Variants in AGO2 observed in about 807,000 individuals in gnomAD.
AGO2 encodes the protein argonaute RISC catalytic component 2.
AGO2 carries 5 observed loss-of-function variants against 102.3 expected under a neutral mutation model. The observed-to-expected ratio is 0.05, with a 90% CI of 0.03 to 0.10. The LOEUF is 0.10. AGO2 is among the 10% of genes least tolerant of loss of function. The probability of loss-of-function intolerance (pLI) is 1.00; values close to 1 mark genes in which losing one functional copy is unlikely to be tolerated. For synonymous variants in AGO2, 449 were observed against 473.1 expected (o/e 0.95, Z 0.66); for missense variants, 541 against 1,183.7 (o/e 0.46, Z 7.97).
chr8:140,612,266 T>C (rs1245152811), intron 1 of AGO2, among the ~76,000 whole-genome samples: 2 of 143,152 alleles, frequency 1.4e-5, no homozygotes, highest in South Asian at 2.3e-4. Flanking sequence ...AAAAGACTTC[T>C]GGTTAGTTCA....
At chr8:140,603,218 G>A (rs568635496) in intron 1 of AGO2, among the ~76,000 whole-genome samples, 2 of 152,242 alleles carry the variant, frequency 1.3e-5, no homozygotes, top group Admixed American at 6.5e-5. Context: ...CTCAGCAGAC[G>A]ATGGAATCCC....
In AGO2 at chr8:140,562,554, G is replaced by A. The variant is rs764529660; in HGVS notation, c.417C>T (p.Ser139=). The change falls in exon 4 of 19, where the codon AGC becomes AGT. Residue 139 remains serine (S), a synonymous_variant. Transcript: ENST00000220592. ...KVSIKWVSCV[S]LQALHDALSG... ...AAAGTGCATCGTGTAACGCCTGCAA[G>A]CTCACGCAGGACACCCACTTGATGG... 3.1e-6 allele frequency: 5 copies of A among 1,614,016 alleles called. No homozygotes were observed. The highest frequency in any genetic ancestry group is 4.2e-6 in the Non-Finnish European group (5 of 1,180,046).
intron 17 of AGO2, among the ~76,000 whole-genome samples, chr8:140,535,199 C>G (rs1463857562): frequency 6.6e-6 from 1 of 152,220 alleles, no homozygotes; most frequent in Non-Finnish European, 1.5e-5. Flanking sequence ...CACCACACCC[C>G]TGGCTCCCCA....
At chr8:140,597,118 C>G (rs762967067) in intron 1 of AGO2, among the ~76,000 whole-genome samples, 5 of 152,198 alleles carry the variant, frequency 3.3e-5, no homozygotes, top group Non-Finnish European at 7.4e-5. Flanking sequence ...GAAAAAAAAA[C>G]TCAGCAGAAG....
Position 140,524,388 on chromosome 8 carries a change from G to T in AGO2, c.*7656C>A, listed in dbSNP as rs2072464546. 6.6e-6 allele frequency: 1 copy of T among 152,248 alleles called. No individual in the cohort carries two copies. Among genetic ancestry groups the T allele is most frequent in the South Asian group, 2.1e-4 (1 of 4,832 alleles). 9.4% of individuals were successfully genotyped at this position (152,248 alleles called of 1,614,324 possible). A position where few individuals can be genotyped will look rare whatever the true frequency, so the allele number is the denominator to read the frequency against. On this transcript the variant is annotated 3_prime_UTR_variant, in exon 19 of 19. Transcript: ENST00000220592. ...TCCTGGCAGAGGTGGACTTGGTCAGGGTATGGGAGAAACCACACGACTGGA... is the reference window on the plus strand; with the variant it reads ...TCCTGGCAGAGGTGGACTTGGTCAGTGTATGGGAGAAACCACACGACTGGA...
chr8:140,597,466 GCCCCCCCAC>G (rs760618579), intron 1 of AGO2, among the ~76,000 whole-genome samples: 4 of 48,442 alleles, frequency 8.3e-5, no homozygotes, highest in Admixed American at 2.1e-4. Flanking sequence ...GGGCTGGGTG[GCCCCCCCAC>G]CCCCCCCCCC....
At chr8:140,587,285 A>G (rs1176492132) in intron 1 of AGO2, among the ~76,000 whole-genome samples, 1 of 152,260 alleles carries the variant, frequency 6.6e-6, no homozygotes, top group African/African-American at 2.4e-5. Flanking sequence ...ATTTCCTAAG[A>G]TAGTTCTTTC....
chr8:140,604,663 A>G (rs978101795), intron 1 of AGO2, among the ~76,000 whole-genome samples: 2 of 152,204 alleles, frequency 1.3e-5, no homozygotes, highest in Non-Finnish European at 2.9e-5. Context: ...CGTCTCTACT[A>G]AAAATACAAA....
At position 140,524,508 on chromosome 8, in the gene AGO2, G is replaced by A. The variant is rs1241623264; in HGVS notation, c.*7536C>T. 1 of 152,264 alleles carries A rather than the reference G, an allele frequency of 6.6e-6. No individual in the cohort carries two copies. The highest frequency in any genetic ancestry group is 2.4e-5 in the African/African-American group (1 of 41,460). The allele number at this position is 152,264 out of a possible 1,614,324, so 9.4% of individuals were successfully genotyped here. On this transcript the variant is annotated 3_prime_UTR_variant, in exon 19 of 19. Coordinates refer to ENST00000220592, the MANE Select transcript of AGO2 (RefSeq NM_012154.5). ...CAAGTCAGGGGCTGAGGAGCGGAAA[G>A]AAAGCTTCCAAGGCTGGAGGTCCAC... is the stretch of plus-strand genomic sequence containing the variant.
In AGO2 at chr8:140,525,698, C is replaced by G. The variant is rs1428856944; in HGVS notation, c.*6346G>C. ...GCCACCTCCAAACACCCAGACACCT[C>G]CAACTGTCAGATCATCGCCTGTCAA... is the stretch of plus-strand genomic sequence containing the variant. On this transcript the variant is annotated 3_prime_UTR_variant, in exon 19 of 19. Transcript: ENST00000220592. 6.6e-6 allele frequency: 1 copy of G among 152,110 alleles called. No homozygotes were observed. Among genetic ancestry groups the G allele is most frequent in the Non-Finnish European group, 1.5e-5 (1 of 68,062 alleles). 9.4% of individuals were successfully genotyped at this position (152,110 alleles called of 1,614,324 possible). A position where few individuals can be genotyped will look rare whatever the true frequency, so the allele number is the denominator to read the frequency against.
At chr8:140,594,246 T>C (rs2073788979) in intron 1 of AGO2, among the ~76,000 whole-genome samples, 1 of 152,026 alleles carries the variant, frequency 6.6e-6, no homozygotes, top group Non-Finnish European at 1.5e-5. Context: ...AATAACTCAG[T>C]CGGAACAATT....
At chr8:140,628,572 A>T (rs1461834371) in intron 1 of AGO2, among the ~76,000 whole-genome samples, 1 of 152,044 alleles carries the variant, frequency 6.6e-6, no homozygotes, top group Non-Finnish European at 1.5e-5. Context: ...TGGGAGGCCA[A>T]GGCAGGAGGA....
intron 1 of AGO2, among the ~76,000 whole-genome samples, chr8:140,629,879 G>C (rs1184980110): frequency 7.0e-6 from 1 of 142,874 alleles, no homozygotes; most frequent in Admixed American, 7.0e-5. Context: ...AGGGGAGCAG[G>C]GGGAAGAGGA....
At chr8:140,587,936 G>A (rs2073683499) in intron 1 of AGO2, among the ~76,000 whole-genome samples, 1 of 152,074 alleles carries the variant, frequency 6.6e-6, no homozygotes, top group Admixed American at 6.5e-5. Context: ...TCCAACAGCC[G>A]AGTCCCAAAT....
intron 1 of AGO2, among the ~76,000 whole-genome samples, chr8:140,603,937 G>A (rs933138265): frequency 2.0e-5 from 3 of 152,356 alleles, no homozygotes; most frequent in African/African-American, 7.2e-5. Context: ...TGTGCCCTCT[G>A]CTGGGACTCC....
intron 2 of AGO2, among the ~76,000 whole-genome samples, chr8:140,575,410 C>T (rs1486693707): frequency 6.6e-6 from 1 of 152,212 alleles, no homozygotes; most frequent in Non-Finnish European, 1.5e-5. Context: ...CGCAAGAGGA[C>T]AGCTCATTCC....
rs2072427263 is a variant in AGO2 at position 140,522,290 on chromosome 8, A to C, written c.*9754T>G. On this transcript the variant is annotated 3_prime_UTR_variant, in exon 19 of 19. Transcript: ENST00000220592. Reference sequence around the variant, plus strand: ...TTTTCCAATTTAATTTGACAGACTTAGTAATAGCACCCAACTGTTTAACTG... The same window carrying C: ...TTTTCCAATTTAATTTGACAGACTTCGTAATAGCACCCAACTGTTTAACTG... The C allele has an allele frequency of 6.6e-6, 1 of 152,226 alleles. No individual in the cohort carries two copies. Among genetic ancestry groups the C allele is most frequent in the Admixed American group, 6.5e-5 (1 of 15,288 alleles). 9.4% of individuals were successfully genotyped at this position (152,226 alleles called of 1,614,324 possible). A position where few individuals can be genotyped will look rare whatever the true frequency, so the allele number is the denominator to read the frequency against.
chr8:140,588,744 C>T (rs1273745584), intron 1 of AGO2, among the ~76,000 whole-genome samples: 2 of 152,232 alleles, frequency 1.3e-5, no homozygotes, highest in African/African-American at 4.8e-5. Flanking sequence ...GGGACCTCAG[C>T]TGCTCCTGGG....
intron 1 of AGO2, among the ~76,000 whole-genome samples, chr8:140,596,821 G>A (rs1182381506): frequency 6.6e-6 from 1 of 152,180 alleles, no homozygotes; most frequent in Non-Finnish European, 1.5e-5. Flanking sequence ...AGTGGCCGGG[G>A]TGGGGGACGG....
Sources: gnomAD v4.1 joint callset for allele counts (sites outside exome capture counted in the v4.1 genomes callset) on GRCh38, gnomAD v4.1.1 for gene constraint, MANE v1.5 for transcripts, NCBI Gene and HGNC (gene_info 2026-07-23, HGNC 2026-07-21) for gene names.